CAPN2: variants seen among roughly 807,000 people sequenced by gnomAD.
CAPN2 encodes calpain-2 catalytic subunit.
In CAPN2, 92 loss-of-function variants were observed where a neutral mutation model predicts 102.3. That is an observed-to-expected ratio of 0.90 (90% confidence interval 0.76 to 1.07). CAPN2 has a LOEUF of 1.07. Ranked by LOEUF, CAPN2 falls within the 50% of genes least tolerant of loss-of-function variation. CAPN2 has a pLI of 0.00. For synonymous variants in CAPN2, 340 were observed against 355.4 expected (o/e 0.96, Z 0.49); for missense variants, 800 against 909.4 (o/e 0.88, Z 1.55).
Position 223,736,064 on chromosome 1 carries a change from A to G in CAPN2, c.308-8036A>G, listed in dbSNP as rs968743392. On this transcript the variant is annotated intron_variant, in intron 2 of 20. Coordinates refer to ENST00000295006, the MANE Select transcript of CAPN2 (RefSeq NM_001748.5). ...AAGTGCTGAGATTACAGGGTGAGCC[A>G]CCGCACCCAGCCTACTCGGGACCTT... 4.6e-5 allele frequency among the ~76,000 whole-genome samples: 7 copies of G among 152,094 alleles called. No homozygotes were observed. The East Asian group carries it at 1.4e-3, about 29-fold the overall frequency.
intron 11 of CAPN2, chr1:223,758,694 T>C (rs1166071971): frequency 6.6e-6 from 1 of 151,346 alleles, no homozygotes; most frequent in Non-Finnish European, 1.5e-5. Flanking sequence ...GTTTGCTTTT[T>C]GTTTTTTTTT....
At chr1:223,712,900 C>CGGGCA in intron 1 of CAPN2, 23 bp downstream of exon 1, 2 of 1,481,976 alleles carry the variant, frequency 1.3e-6, no homozygotes, top group South Asian at 2.6e-5. Flanking sequence ...CGGCAGGACG[C>CGGGCA]GGGCAGGGCG....
chr1:223,706,555 C>A (rs1048394206), intron 1 of CAPN2, among the ~76,000 whole-genome samples: 3 of 152,134 alleles, frequency 2.0e-5, no homozygotes, highest in African/African-American at 4.8e-5. Flanking sequence ...TATGGACAGA[C>A]CCCAAGGGAC....
At chr1:223,722,990 A>T (rs1463940193) in intron 2 of CAPN2, among the ~76,000 whole-genome samples, 1 of 152,152 alleles carries the variant, frequency 6.6e-6, no homozygotes, top group African/African-American at 2.4e-5. Context: ...GGGAATATTG[A>T]TCAGAGATTT....
At chr1:223,765,299 CA>C (rs1327763714) in intron 15 of CAPN2, among the ~76,000 whole-genome samples, 2 of 152,196 alleles carry the variant, frequency 1.3e-5, no homozygotes, top group Non-Finnish European at 2.9e-5. Flanking sequence ...CAGTGTGAAC[CA>C]AGAGGGCTGG....
intron 15 of CAPN2, among the ~76,000 whole-genome samples, chr1:223,765,825 T>C (rs561464047): frequency 2.0e-5 from 3 of 152,328 alleles, no homozygotes; most frequent in Admixed American, 1.3e-4. Flanking sequence ...CAGGTTCACA[T>C]TGGTGACTAG....
chr1:223,740,279 A>G (rs775989243), intron 2 of CAPN2, among the ~76,000 whole-genome samples: 1 of 152,234 alleles, frequency 6.6e-6, no homozygotes, highest in African/African-American at 2.4e-5. Flanking sequence ...GTAAAGAAAT[A>G]GCACTTGAAC....
Position 223,745,432 on chromosome 1 carries a change from T to A in CAPN2, c.553T>A (p.Tyr185Asn). 2 of 1,614,216 alleles carry A rather than the reference T, an allele frequency of 1.2e-6. No individual in the cohort carries two copies. Among genetic ancestry groups the A allele is most frequent in the Non-Finnish European group, 1.7e-6 (2 of 1,180,036 alleles). Residue 185 changes from tyrosine (Y) to asparagine (N), a missense_variant, in exon 4 of 21, where the codon TAC becomes AAC. By Grantham distance (143) the Tyr-to-Asn change is moderately radical (BLOSUM62 -2). Coordinates refer to ENST00000295006, the MANE Select transcript of CAPN2 (RefSeq NM_001748.5). ...CTGGAGCGCCCTGCTGGAGAAGGCA[T>A]ACGCCAAGTAAGTTGCCATCCTCCC... Reference protein sequence around the residue: ...EFWSALLEKAYAKINGCYEAL... With the variant: ...EFWSALLEKANAKINGCYEAL...
chr1:223,769,957 T>A, intron 17 of CAPN2, 48 bp downstream of exon 17: 1 of 1,414,508 alleles, frequency 7.1e-7, no homozygotes, highest in East Asian at 2.5e-5. Flanking sequence ...AACATTCTGT[T>A]CATATGCTTT....
At chr1:223,718,805 A>G (rs1659952745) in intron 2 of CAPN2, among the ~76,000 whole-genome samples, 1 of 152,200 alleles carries the variant, frequency 6.6e-6, no homozygotes, top group Non-Finnish European at 1.5e-5. Context: ...ATAACAGCTA[A>G]TATGTATCTC....
Position 223,745,317 on chromosome 1 carries a change from CG to C in CAPN2, c.440del (p.Gly147AlafsTer71). On this transcript the variant is annotated frameshift_variant, in exon 4 of 21. Transcript: ENST00000295006. LOFTEE classifies it high-confidence loss of function. ...GIFHFQFWQY[G>X]EWVEVVVDDR... ...CTCTTGTTCTGCAGTTCTGGCAATACGGCGAGTGGGTGGAGGTGGTGGTGGA... is the reference window on the plus strand; with the variant it reads ...CTCTTGTTCTGCAGTTCTGGCAATACGCGAGTGGGTGGAGGTGGTGGTGGA... 1.9e-6 allele frequency: 3 copies of C among 1,614,164 alleles called. No individual in the cohort carries two copies. Among genetic ancestry groups the C allele is most frequent in the Non-Finnish European group, 2.5e-6 (3 of 1,180,022 alleles).
At chr1:223,743,550 G>T (rs1660677408) in intron 2 of CAPN2, among the ~76,000 whole-genome samples, 1 of 152,160 alleles carries the variant, frequency 6.6e-6, no homozygotes, top group South Asian at 2.1e-4. Context: ...GGAGTGCAGT[G>T]GTGCAATCAT....
At chr1:223,745,156 C>T in intron 3 of CAPN2, 150 bp from the exon 4 acceptor site, 1 of 947,788 alleles carries the variant, frequency 1.1e-6, no homozygotes, top group Non-Finnish European at 1.6e-6. Context: ...ACTTGGCCTG[C>T]ATAGGAGAGT....
chr1:223,722,020 G>A (rs1660061625), intron 2 of CAPN2, among the ~76,000 whole-genome samples: 1 of 152,068 alleles, frequency 6.6e-6, no homozygotes, highest in Non-Finnish European at 1.5e-5. Context: ...GAGAAAAGGA[G>A]GAGAAGAAAA....
intron 14 of CAPN2, among the ~76,000 whole-genome samples, chr1:223,763,698 G>A (rs555688023): frequency 6.6e-6 from 1 of 152,240 alleles, no homozygotes; most frequent in East Asian, 1.9e-4. Context: ...CACAAACATG[G>A]GTAGAGGGGA....
intron 2 of CAPN2, among the ~76,000 whole-genome samples, chr1:223,741,792 G>A (rs1434441406): frequency 1.2e-4 from 18 of 146,708 alleles, no homozygotes; most frequent in African/African-American, 4.2e-4. Context: ...TTTCTTTTTG[G>A]GGGGCACAGA....
chr1:223,749,349 G>T, intron 6 of CAPN2: 1 of 591,062 alleles, frequency 1.7e-6, no homozygotes, highest in Non-Finnish European at 3.0e-6. Context: ...GGCGCCAGGG[G>T]CCCTGGTTTT....
At chr1:223,748,192 G>A (rs1660791723) in intron 5 of CAPN2, among the ~76,000 whole-genome samples, 1 of 152,200 alleles carries the variant, frequency 6.6e-6, no homozygotes, top group East Asian at 1.9e-4. Context: ...AGCCTTGCTG[G>A]CAACGCTCAC....
intron 16 of CAPN2, among the ~76,000 whole-genome samples, chr1:223,768,667 C>T (rs1326855282): frequency 1.3e-4 from 20 of 151,238 alleles, no homozygotes; most frequent in Admixed American, 2.6e-4. Flanking sequence ...CTTGGCGATG[C>T]GGGCTCTTTT....
Sources: gnomAD v4.1 joint callset for allele counts (sites outside exome capture counted in the v4.1 genomes callset) on GRCh38, gnomAD v4.1.1 for gene constraint, MANE v1.5 for transcripts, NCBI Gene and HGNC (gene_info 2026-07-23, HGNC 2026-07-21) for gene names.